Variants in MFHAS1 observed in about 807,000 individuals in gnomAD.
The protein encoded by MFHAS1 is multifunctional ROCO family signaling regulator 1, also known as malignant fibrous histiocytoma-amplified sequence 1.
Under a neutral mutation model 70.4 loss-of-function variants are expected in MFHAS1, and 50 were observed. The observed-to-expected ratio is 0.71, with a 90% CI of 0.57 to 0.90. MFHAS1 has a LOEUF of 0.90. Among genes scored for constraint, MFHAS1 ranks in the 40% least tolerant of loss-of-function variants. MFHAS1 has a pLI of 0.00. For missense variants in MFHAS1, 1,795 were observed against 1,347.6 expected (o/e 1.33, Z -5.20); for synonymous variants, 952 against 620.0 (o/e 1.54, Z -7.96).
intron 1 of MFHAS1, among the ~76,000 whole-genome samples, chr8:8,879,684 C>G (rs923981560): frequency 6.6e-6 from 1 of 152,162 alleles, no homozygotes; most frequent in African/African-American, 2.4e-5. Flanking sequence ...ATGATTTTCT[C>G]CATATGGGGT....
chr8:8,806,801 AC>A (rs1806306534), intron 1 of MFHAS1, among the ~76,000 whole-genome samples: 1 of 152,016 alleles, frequency 6.6e-6, no homozygotes, highest in South Asian at 2.1e-4. Flanking sequence ...TCTCTACTAA[AC>A]ATACAAAAAT....
intron 1 of MFHAS1, among the ~76,000 whole-genome samples, chr8:8,887,912 TAGA>T (rs1046213164): frequency 3.3e-5 from 5 of 151,902 alleles, no homozygotes; most frequent in South Asian, 2.1e-4. Context: ...TCAAAGTTCT[TAGA>T]AGATCTTTAC....
At chr8:8,809,256 G>A (rs777703988) in intron 1 of MFHAS1, among the ~76,000 whole-genome samples, 1 of 152,074 alleles carries the variant, frequency 6.6e-6, no homozygotes, top group Admixed American at 6.5e-5. Flanking sequence ...GAAATAAAGT[G>A]CACGACAAAT....
chr8:8,835,949 A>T (rs1020207776), intron 1 of MFHAS1, among the ~76,000 whole-genome samples: 3 of 152,252 alleles, frequency 2.0e-5, no homozygotes, highest in Admixed American at 2.0e-4. Context: ...CTGCTAACCG[A>T]TGCTACTACA....
Position 8,891,581 on chromosome 8 carries a change from G to A in MFHAS1, c.1478C>T (p.Ser493Phe). Residue 493 changes from serine to phenylalanine, a missense_variant, in exon 1 of 3, where the codon TCC (serine) becomes TTC (phenylalanine). Transcript: ENST00000276282. The surrounding 1 kb of genome is among the most constrained non-coding windows in gnomAD (Gnocchi z 5.4). Reference protein sequence around the residue: ...SYEVIQPFFLSPGALYVLVVN... With the variant: ...SYEVIQPFFLFPGALYVLVVN... ...CACCAGCACGTATAGGGCCCCTGGG[G>A]ACAGGAAGAAGGGCTGGATCACCTC... is the stretch of plus-strand genomic sequence containing the variant. The A allele has an allele frequency of 6.2e-7, 1 of 1,613,328 alleles. No homozygotes were observed. Among genetic ancestry groups the A allele is most frequent in the Non-Finnish European group, 8.5e-7 (1 of 1,180,044 alleles).
intron 1 of MFHAS1, among the ~76,000 whole-genome samples, chr8:8,802,730 C>T (rs934024416): frequency 6.6e-6 from 1 of 152,188 alleles, no homozygotes; most frequent in African/African-American, 2.4e-5. Flanking sequence ...GGGGACTGTC[C>T]TCTGGGTGCC....
intron 1 of MFHAS1, among the ~76,000 whole-genome samples, chr8:8,810,015 T>C (rs1358853977): frequency 6.6e-6 from 1 of 152,178 alleles, no homozygotes; most frequent in Non-Finnish European, 1.5e-5. Flanking sequence ...CCAAGGACCT[T>C]ATCAAAATCT....
At chr8:8,817,990 G>C (rs1806811676) in intron 1 of MFHAS1, among the ~76,000 whole-genome samples, 1 of 152,154 alleles carries the variant, frequency 6.6e-6, no homozygotes, top group African/African-American at 2.4e-5. Context: ...CGGGGACTGA[G>C]GACCCCTGCT....
At chr8:8,872,126 C>T (rs888974494) in intron 1 of MFHAS1, among the ~76,000 whole-genome samples, 1 of 152,198 alleles carries the variant, frequency 6.6e-6, no homozygotes, top group African/African-American at 2.4e-5. Context: ...CTTCTGGGTC[C>T]ATGGGAGGCA....
At chr8:8,790,298 A>G (rs1241227606) in intron 2 of MFHAS1, 1 of 859,548 alleles carries the variant, frequency 1.2e-6, no homozygotes, top group Non-Finnish European at 1.4e-6. Flanking sequence ...TATTTAAGAA[A>G]TTCTCTCTGT....
intron 1 of MFHAS1, among the ~76,000 whole-genome samples, chr8:8,844,821 T>C (rs920464952): frequency 6.6e-6 from 1 of 152,208 alleles, no homozygotes; most frequent in African/African-American, 2.4e-5. Flanking sequence ...ATCAAAACAG[T>C]GTCTGGCACA....
At chr8:8,882,590 C>G (rs147894260) in intron 1 of MFHAS1, among the ~76,000 whole-genome samples, 1 of 151,844 alleles carries the variant, frequency 6.6e-6, no homozygotes, top group Non-Finnish European at 1.5e-5. Context: ...CCACCCTGGG[C>G]GACAGAGTGA....
chr8:8,867,766 G>C (rs1036481760), intron 1 of MFHAS1, among the ~76,000 whole-genome samples: 5 of 151,878 alleles, frequency 3.3e-5, no homozygotes, highest in South Asian at 2.1e-4. Context: ...ACCGTGTTAG[G>C]CAGGATTGTC....
intron 1 of MFHAS1, among the ~76,000 whole-genome samples, chr8:8,872,964 G>A (rs549439500): frequency 8.5e-5 from 13 of 152,094 alleles, no homozygotes; most frequent in Admixed American, 5.2e-4. Context: ...GGAGACAACC[G>A]GGCAGTGCCA....
At chr8:8,827,060 T>G (rs1330037754) in intron 1 of MFHAS1, among the ~76,000 whole-genome samples, 1 of 152,232 alleles carries the variant, frequency 6.6e-6, no homozygotes, top group Non-Finnish European at 1.5e-5. Context: ...CCGTATATCT[T>G]TTTAATTTTT....
intron 1 of MFHAS1, among the ~76,000 whole-genome samples, chr8:8,810,328 T>C (rs1312652846): frequency 6.6e-6 from 1 of 152,206 alleles, no homozygotes; most frequent in Non-Finnish European, 1.5e-5. Flanking sequence ...ATCATGCCAC[T>C]GTACTCCAGT....
chr8:8,813,448 G>C (rs1228937808), intron 1 of MFHAS1, among the ~76,000 whole-genome samples: 1 of 152,228 alleles, frequency 6.6e-6, no homozygotes, highest in Non-Finnish European at 1.5e-5. Flanking sequence ...CTCCATCACT[G>C]TCATTGTCCC....
intron 1 of MFHAS1, among the ~76,000 whole-genome samples, chr8:8,880,779 G>A (rs981180949): frequency 2.0e-5 from 3 of 151,716 alleles, no homozygotes; most frequent in Admixed American, 6.6e-5. Context: ...CCGCCTCTTG[G>A]GTTCAAGTGA....
chr8:8,842,445 C>T (rs894860746), intron 1 of MFHAS1, among the ~76,000 whole-genome samples: 1 of 152,194 alleles, frequency 6.6e-6, no homozygotes, highest in Admixed American at 6.5e-5. Flanking sequence ...CTCAGCCTCC[C>T]AAAGTGCTGG....
Sources: allele counts gnomAD v4.1 joint callset (sites outside exome capture counted in the v4.1 genomes callset), GRCh38; gene constraint gnomAD v4.1.1; non-coding constraint Gnocchi (gnomAD v3.1); transcripts MANE v1.5; gene names NCBI Gene and HGNC (gene_info 2026-07-23, HGNC 2026-07-21).